The following USH2A variants were observed in gnomAD, a reference collection of about 807,000 sequenced individuals.
USH2A encodes the protein usherin, also known as Usher syndrome 2A (autosomal recessive, mild).
A neutral mutation model predicts 538.9 loss-of-function variants in USH2A; 443 were observed. The observed-to-expected ratio is 0.82, with a 90% CI of 0.76 to 0.89. The LOEUF (loss-of-function observed/expected upper bound fraction) is 0.89, where lower values mean the gene tolerates loss of function less well. Ranked by LOEUF, USH2A falls within the 40% of genes least tolerant of loss-of-function variation. The probability of loss-of-function intolerance (pLI) is 0.00; values close to 1 mark genes in which losing one functional copy is unlikely to be tolerated. For missense variants in USH2A, 6,633 were observed against 6,324.8 expected, an observed-to-expected ratio of 1.05 and a Z score of -1.65; for synonymous variants, 2,413 against 2,273.5, an observed-to-expected ratio of 1.06 and a Z score of -1.75.
chr1:216,300,649 C>T (rs989846167), intron 9 of USH2A, among the ~76,000 whole-genome samples: 13 of 151,910 alleles, frequency 8.6e-5, no homozygotes, highest in African/African-American at 2.7e-4. Flanking sequence ...AGTGTTTCTT[C>T]GTTACCATTA....
chr1:215,674,215 T>C lies in USH2A; in HGVS notation c.13696A>G (p.Thr4566Ala). Residue 4566 changes from threonine to alanine, a missense_variant, in exon 63 of 72, where the codon ACC becomes GCC. Transcript: ENST00000307340. Reference protein sequence around the residue: ...VRTNGDIINYTLFIRELFERE... With the variant: ...VRTNGDIINYALFIRELFERE... ...TCAAATAGTTCACGGATGAAGAGGG[T>C]ATAATTGATGATATCACCATTTGTT... is the stretch of plus-strand genomic sequence containing the variant. The C allele has an allele frequency of 1.2e-6, 2 of 1,614,090 alleles. No individual in the cohort carries two copies. The highest frequency in any genetic ancestry group is 1.7e-6 in the Non-Finnish European group (2 of 1,180,004).
intron 35 of USH2A, among the ~76,000 whole-genome samples, chr1:215,975,985 T>C (rs1027216831): frequency 1.3e-5 from 2 of 152,274 alleles, no homozygotes. Flanking sequence ...CCATACACGA[T>C]TTCTTTTACC....
At chr1:216,197,110 C>T (rs951063094) in intron 18 of USH2A, among the ~76,000 whole-genome samples, 19 of 152,068 alleles carry the variant, frequency 1.2e-4, no homozygotes, top group African/African-American at 4.3e-4. Flanking sequence ...CTGGATTTCC[C>T]ATGTAGGGAA....
At chr1:215,747,499 AAGG>A (rs1660503800) in intron 58 of USH2A, among the ~76,000 whole-genome samples, 1 of 152,196 alleles carries the variant, frequency 6.6e-6, no homozygotes, top group Admixed American at 6.5e-5. Context: ...AGAGCTGGAT[AAGG>A]AGAATTGATT....
intron 35 of USH2A, among the ~76,000 whole-genome samples, chr1:215,974,181 TAAGTC>T (rs2102461221): frequency 6.6e-6 from 1 of 152,264 alleles, no homozygotes; most frequent in South Asian, 2.1e-4. Context: ...TAATAAGCGG[TAAGTC>T]TAAAACACCT....
chr1:216,245,621 C>CATTTA (rs908290345), intron 13 of USH2A, among the ~76,000 whole-genome samples: 2 of 151,560 alleles, frequency 1.3e-5, no homozygotes, highest in African/African-American at 4.8e-5. Context: ...ATATAGTCTC[C>CATTTA]ATTTATGTTT....
chr1:216,377,258 T>G (rs988036384), intron 3 of USH2A, among the ~76,000 whole-genome samples: 1 of 152,178 alleles, frequency 6.6e-6, no homozygotes, highest in Non-Finnish European at 1.5e-5. Flanking sequence ...TGTTTCAAGG[T>G]AGTCCTTTCT....
chr1:216,247,349 A>G, intron 12 of USH2A, 123 bp from the exon 13 acceptor site: 1 of 1,225,236 alleles, frequency 8.2e-7, no homozygotes, highest in Non-Finnish European at 1.2e-6. Context: ...TCTCACAAGC[A>G]ATGCCATAGG....
chr1:216,087,518 T>C (rs2032171444), intron 23 of USH2A, among the ~76,000 whole-genome samples: 2 of 152,052 alleles, frequency 1.3e-5, no homozygotes, highest in South Asian at 4.1e-4. Flanking sequence ...TGCTCGACAT[T>C]AAGGGCCAGT....
At chr1:216,375,153 AC>A (rs1186344581) in intron 3 of USH2A, among the ~76,000 whole-genome samples, 5 of 152,142 alleles carry the variant, frequency 3.3e-5, no homozygotes, top group Non-Finnish European at 5.9e-5. Context: ...GGCACCTACC[AC>A]CTGTGCAGTA....
chr1:216,370,147 T>C, intron 3 of USH2A, among the ~76,000 whole-genome samples: 1 of 151,790 alleles, frequency 6.6e-6, no homozygotes, highest in South Asian at 2.1e-4. Flanking sequence ...TCACTTGAGG[T>C]GAAAAGTTCT....
At chr1:215,638,639 A>G (rs1436638316) in intron 69 of USH2A, among the ~76,000 whole-genome samples, 2 of 134,204 alleles carry the variant, frequency 1.5e-5, no homozygotes, top group Non-Finnish European at 1.6e-5. Context: ...AAAAAAAAAG[A>G]GTGTATTGTA....
intron 9 of USH2A, among the ~76,000 whole-genome samples, chr1:216,315,710 T>C (rs1298629961): frequency 2.0e-5 from 3 of 152,172 alleles, no homozygotes; most frequent in Admixed American, 2.0e-4. Context: ...TTTACAACTG[T>C]ATATAAATCT....
At chr1:216,134,892 A>C (rs1164993201) in intron 21 of USH2A, among the ~76,000 whole-genome samples, 1 of 152,130 alleles carries the variant, frequency 6.6e-6, no homozygotes. Flanking sequence ...CTTTAGGGTG[A>C]GGATCACAGC....
chr1:216,208,974 C>T (rs1275549320), intron 15 of USH2A, among the ~76,000 whole-genome samples: 1 of 152,100 alleles, frequency 6.6e-6, no homozygotes, highest in South Asian at 2.1e-4. Flanking sequence ...ATTTAAGACC[C>T]CCACAAGGAA....
chr1:216,374,991 C>G (rs1341713504), intron 3 of USH2A, among the ~76,000 whole-genome samples: 3 of 152,052 alleles, frequency 2.0e-5, no homozygotes, highest in Non-Finnish European at 4.4e-5. Context: ...CAGGCCCACT[C>G]TCTCCCCTCA....
At chr1:216,408,923 C>G (rs1178972318) in intron 3 of USH2A, among the ~76,000 whole-genome samples, 1 of 152,166 alleles carries the variant, frequency 6.6e-6, no homozygotes, top group Non-Finnish European at 1.5e-5. Flanking sequence ...TGTCATCACA[C>G]TACACAGAAC....
intron 30 of USH2A, among the ~76,000 whole-genome samples, chr1:216,062,996 G>A (rs2031233510): frequency 6.6e-6 from 1 of 152,124 alleles, no homozygotes; most frequent in Admixed American, 6.5e-5. Flanking sequence ...AAATTGCCTT[G>A]TACATTCAGT....
chr1:215,836,868 T>G (rs1160884105), intron 47 of USH2A, among the ~76,000 whole-genome samples: 2 of 151,688 alleles, frequency 1.3e-5, no homozygotes, highest in Non-Finnish European at 2.9e-5. Context: ...GCCTTCTATA[T>G]TATTATAGCC....
Sources: allele counts gnomAD v4.1 joint callset (sites outside exome capture counted in the v4.1 genomes callset), GRCh38; gene constraint gnomAD v4.1.1; transcripts MANE v1.5; gene names NCBI Gene and HGNC (gene_info 2026-07-23, HGNC 2026-07-21).